TDP1: variants seen among roughly 807,000 people sequenced by gnomAD.
TDP1 encodes tyr-DNA phosphodiesterase 1.
A neutral mutation model predicts 81.5 loss-of-function variants in TDP1; 64 were observed. The ratio of observed to expected loss-of-function variants is 0.79; its 90% CI spans 0.64 to 0.97. The LOEUF is 0.97. Ranked by LOEUF, TDP1 falls within the 50% of genes least tolerant of loss-of-function variation. TDP1 has a pLI of 0.00. For missense variants in TDP1, 723 were observed against 743.8 expected, an observed-to-expected ratio of 0.97 and a Z score of 0.33; for synonymous variants, 256 against 264.3, an observed-to-expected ratio of 0.97 and a Z score of 0.30.
At chr14:90,013,423 C>T (rs1399566666) in intron 14 of TDP1, among the ~76,000 whole-genome samples, 3 of 152,070 alleles carry the variant, frequency 2.0e-5, no homozygotes, top group African/African-American at 4.8e-5. Flanking sequence ...ATAGGTCTCA[C>T]GAGATCTGAT....
rs961002246 is a variant in TDP1 at position 89,980,260 on chromosome 14, A to G, written c.792-280A>G. On this transcript the variant is annotated intron_variant, in intron 7 of 16. Coordinates refer to ENST00000335725, the MANE Select transcript of TDP1 (RefSeq NM_018319.4). ...AGTAACAGGTAATGCTGAATAGATAATAAGGGGCCAGGCTGGAGGGATGTG... is the reference window on the plus strand; with the variant it reads ...AGTAACAGGTAATGCTGAATAGATAGTAAGGGGCCAGGCTGGAGGGATGTG... 3.9e-5 allele frequency: 38 copies of G among 985,304 alleles called. No homozygotes were observed. In the African/African-American group the frequency reaches 6.1e-4, roughly 16 times the overall value. The allele number at this position is 985,304 out of a possible 1,614,324, so 61.0% of individuals were successfully genotyped here.
At chr14:89,996,910 C>G (rs1302654154) in intron 14 of TDP1, among the ~76,000 whole-genome samples, 2 of 152,194 alleles carry the variant, frequency 1.3e-5, no homozygotes, top group African/African-American at 4.8e-5. Flanking sequence ...AATAAGGCGG[C>G]AGAGTTGAGG....
At chr14:90,006,529 G>A (rs921169822) in intron 14 of TDP1, among the ~76,000 whole-genome samples, 3 of 151,892 alleles carry the variant, frequency 2.0e-5, no homozygotes, top group Non-Finnish European at 4.4e-5. Context: ...ACAGGTGTAT[G>A]CCACCATGCC....
chr14:89,987,706 C>G (rs1468194722), intron 10 of TDP1, among the ~76,000 whole-genome samples: 1 of 152,046 alleles, frequency 6.6e-6, no homozygotes, highest in Non-Finnish European at 1.5e-5. Flanking sequence ...GAGGCAGTCC[C>G]CTGGTGGGAG....
At chr14:90,028,440 G>A (rs555568509) in intron 15 of TDP1, among the ~76,000 whole-genome samples, 9 of 152,288 alleles carry the variant, frequency 5.9e-5, no homozygotes, top group East Asian at 3.9e-4. Flanking sequence ...TCATCAGAGC[G>A]ACAATCAGCT....
At chr14:89,979,221 G>A (rs781174718) in intron 7 of TDP1, among the ~76,000 whole-genome samples, 8 of 151,976 alleles carry the variant, frequency 5.3e-5, no homozygotes, top group Non-Finnish European at 1.0e-4. Flanking sequence ...ACAACAGGGA[G>A]ATAAAAATCA....
chr14:89,981,921 A>G (rs1201395055), intron 8 of TDP1, among the ~76,000 whole-genome samples: 1 of 152,230 alleles, frequency 6.6e-6, no homozygotes, highest in African/African-American at 2.4e-5. Flanking sequence ...TCAGCCTCCC[A>G]AAGTGCTGAG....
chr14:89,979,200 T>C (rs936430284), intron 7 of TDP1, among the ~76,000 whole-genome samples: 1 of 152,114 alleles, frequency 6.6e-6, no homozygotes, highest in African/African-American at 2.4e-5. Flanking sequence ...ATTGAAATAA[T>C]CCTATTGAAA....
upstream of TDP1, chr14:89,955,373 A>T (rs1331059175): frequency 6.6e-6 from 1 of 152,274 alleles, no homozygotes; most frequent in East Asian, 1.9e-4. Context: ...AACAGCACCG[A>T]GCCCAAATCC....
chr14:90,043,176 G>A lies in TDP1; in HGVS notation c.*33G>A. 6.2e-7 allele frequency: 1 copy of A among 1,614,012 alleles called. No individual in the cohort carries two copies. Among genetic ancestry groups the A allele is most frequent in the Non-Finnish European group, 8.5e-7 (1 of 1,179,916 alleles). On this transcript the variant is annotated 3_prime_UTR_variant, in exon 17 of 17. Transcript: ENST00000335725. ...GAGGCACTGTGAAATTTAAGTGTAA[G>A]ACATTGAGCCACAAACATGGAATCT...
intron 6 of TDP1, among the ~76,000 whole-genome samples, chr14:89,972,674 CAAGG>C (rs1439623284): frequency 6.6e-6 from 1 of 152,188 alleles, no homozygotes; most frequent in African/African-American, 2.4e-5. Flanking sequence ...GAAAGGAAAA[CAAGG>C]AATACAGAAG....
At chr14:90,029,849 T>C (rs773967724) in intron 15 of TDP1, among the ~76,000 whole-genome samples, 1 of 152,224 alleles carries the variant, frequency 6.6e-6, no homozygotes, top group Non-Finnish European at 1.5e-5. Context: ...AACCTCCAAA[T>C]ATGTTTCCTT....
Position 89,976,194 on chromosome 14 carries a change from C to G in TDP1, c.791+379C>G, listed in dbSNP as rs576516548. Among the ~76,000 whole-genome samples the G allele has an allele frequency of 7.6e-4, 116 of 151,804 alleles. 1 individual carries two copies. Among genetic ancestry groups the G allele is most frequent in the Non-Finnish European group, 1.3e-3 (91 of 68,008 alleles). On this transcript the variant is annotated intron_variant, in intron 7 of 16. Transcript: ENST00000335725. ...GATCACAGCTCACTGCAGCCTCCAA[C>G]TCCTGGGCTTAAGCAATCCTCCCAC...
intron 2 of TDP1, among the ~76,000 whole-genome samples, chr14:89,961,210 C>T (rs1046749859): frequency 6.6e-6 from 1 of 152,186 alleles, no homozygotes; most frequent in African/African-American, 2.4e-5. Context: ...ATTAGGCCCT[C>T]TGTCAAAAGG....
chr14:89,967,360 C>A lies in TDP1; in HGVS notation c.604-7C>A. 6.2e-7 allele frequency: 1 copy of A among 1,613,638 alleles called. No individual in the cohort carries two copies. The highest frequency in any genetic ancestry group is 8.5e-7 in the Non-Finnish European group (1 of 1,179,638). On this transcript the variant is annotated splice_polypyrimidine_tract_variant and splice_region_variant and intron_variant, in intron 4 of 16. Coordinates refer to ENST00000335725, the MANE Select transcript of TDP1 (RefSeq NM_018319.4). ...TGGCTTAGTTACTCTTCTTTTCTCC[C>A]ATCTAGTTTAACTACTGCTTTGACG...
chr14:89,977,329 G>A (rs996997110), intron 7 of TDP1, among the ~76,000 whole-genome samples: 1 of 151,716 alleles, frequency 6.6e-6, no homozygotes, highest in Non-Finnish European at 1.5e-5. Flanking sequence ...AGACAGTCTC[G>A]CTCTGTTGCC....
chr14:90,032,699 T>C (rs1887420092), intron 15 of TDP1: 2 of 978,386 alleles, frequency 2.0e-6, no homozygotes, highest in African/African-American at 1.8e-5. Flanking sequence ...AGCTTTTATT[T>C]CTTCTTACTC....
intron 16 of TDP1, among the ~76,000 whole-genome samples, chr14:90,038,330 T>A (rs1222727337): frequency 6.6e-6 from 1 of 152,116 alleles, no homozygotes; most frequent in Non-Finnish European, 1.5e-5. Context: ...CTCCAAAAGG[T>A]TTTAAAACCA....
chr14:89,996,422 C>T (rs1209383524), intron 14 of TDP1, among the ~76,000 whole-genome samples: 1 of 152,218 alleles, frequency 6.6e-6, no homozygotes, highest in Non-Finnish European at 1.5e-5. Context: ...CCTTTCATCC[C>T]TTTTCTCTCT....
Sources: allele counts gnomAD v4.1 joint callset (sites outside exome capture counted in the v4.1 genomes callset), GRCh38; gene constraint gnomAD v4.1.1; transcripts MANE v1.5; gene names NCBI Gene and HGNC (gene_info 2026-07-23, HGNC 2026-07-21).